The following ANKRD36B variants were observed in gnomAD, a reference collection of about 807,000 sequenced individuals.
ANKRD36B encodes ankyrin repeat domain 36B.
A neutral mutation model predicts 135.7 loss-of-function variants in ANKRD36B; 37 were observed. The observed-to-expected ratio is 0.27, with a 90% CI of 0.21 to 0.36. The LOEUF (loss-of-function observed/expected upper bound fraction) is 0.36, where lower values mean the gene tolerates loss of function less well. Among genes scored for constraint, ANKRD36B ranks in the 10% least tolerant of loss-of-function variants. The pLI, the probability that ANKRD36B is intolerant of heterozygous loss-of-function variation, is 1.00. For missense variants in ANKRD36B, 549 were observed against 1,037.1 expected, an observed-to-expected ratio of 0.53 and a Z score of 6.46; for synonymous variants, 179 against 348.1, an observed-to-expected ratio of 0.51 and a Z score of 5.41.
At position 97,551,716 on chromosome 2, in the gene ANKRD36B, G is replaced by A. The variant is rs555330358; in HGVS notation, c.1274-236C>T. Among the ~76,000 whole-genome samples the A allele has an allele frequency of 2.6e-5, 4 of 151,982 alleles. No individual in the cohort carries two copies. The East Asian group carries it at 5.9e-4, about 22-fold the overall frequency. On this transcript the variant is annotated intron_variant, in intron 16 of 43. Transcript: ENST00000359901. ...AACATGGTATGATTTCTCATACGTC[G>A]AAAACTAAAATCAAAGGTTGTCAAC... is the stretch of plus-strand genomic sequence containing the variant.
chr2:97,530,822 C>T (rs1285434893), intron 35 of ANKRD36B, among the ~76,000 whole-genome samples: 1 of 97,526 alleles, frequency 1.0e-5, no homozygotes, highest in Non-Finnish European at 2.7e-5. Context: ...TCATCACTGG[C>T]CATCAGAGAA....
At chr2:97,578,776 C>T in intron 5 of ANKRD36B, 130 bp downstream of exon 5, 1 of 1,226,684 alleles carries the variant, frequency 8.2e-7, no homozygotes, top group Non-Finnish European at 1.1e-6. Context: ...AACTTAAAAA[C>T]TTGAAAATTT....
intron 6 of ANKRD36B, among the ~76,000 whole-genome samples, chr2:97,570,011 AT>A (rs2081734044): frequency 1.3e-5 from 2 of 152,130 alleles, no homozygotes; most frequent in South Asian, 2.1e-4. Flanking sequence ...AATGAAACAA[AT>A]TTTTTATTTC....
rs1368144117 is a variant in ANKRD36B, at chr2:97,526,834, C to T, written c.2266-3367G>A. On this transcript the variant is annotated intron_variant, in intron 35 of 43. Transcript: ENST00000359901. ...GGAACATGAAATGAATGAAATGAAG[C>T]GAGAAGGGAAGTTGAGAGAAGAAAG... is the stretch of plus-strand genomic sequence containing the variant. Among the ~76,000 whole-genome samples the T allele has an allele frequency of 1.2e-4, 11 of 95,000 alleles. 4 individuals carry two copies. The highest frequency in any genetic ancestry group is 2.5e-4 in the Non-Finnish European group (9 of 35,810). 62.3% of individuals were successfully genotyped at this position (95,000 alleles called of 152,430 possible).
At chr2:97,553,271 A>G (rs762242943) in intron 15 of ANKRD36B, 31 bp from the exon 16 acceptor site, 1 of 1,597,072 alleles carries the variant, frequency 6.3e-7, no homozygotes, top group Non-Finnish European at 8.5e-7. Context: ...AATAATAAAT[A>G]AATAAATAAA....
At position 97,527,913 on chromosome 2, in the gene ANKRD36B, G is replaced by C. The variant is rs1374019014; in HGVS notation, c.2265+4398C>G. Among the ~76,000 whole-genome samples the C allele has an allele frequency of 7.3e-5, 7 of 95,842 alleles. 3 individuals are homozygous for C. Among genetic ancestry groups the C allele is most frequent in the Non-Finnish European group, 1.4e-4 (5 of 36,116 alleles). The allele number at this position is 95,842 out of a possible 152,430, so 62.9% of individuals were successfully genotyped here. A position where few individuals can be genotyped will look rare whatever the true frequency, so the allele number is the denominator to read the frequency against. ...CCCAGATTCATAAGGCAAGTCCTGA[G>C]TGACCTACAAAGAGACTTAGACTCC... On this transcript the variant is annotated intron_variant, in intron 35 of 43. Transcript: ENST00000359901.
intron 6 of ANKRD36B, among the ~76,000 whole-genome samples, chr2:97,565,889 G>A (rs4069505): frequency 0.73 from 106,725 of 145,866 alleles, 40,496 homozygotes; most frequent in African/African-American, 0.88. Flanking sequence ...GTGTGTGTGT[G>A]TATATATATA....
In ANKRD36B at chr2:97,548,393, C is replaced by A. The variant is rs554018553; in HGVS notation, c.1478-662G>T. Among the ~76,000 whole-genome samples, 21 of 152,028 alleles carry A rather than the reference C, an allele frequency of 1.4e-4. No homozygotes were observed. In the East Asian group the frequency reaches 3.1e-3, roughly 23 times the overall value. Reference sequence around the variant, plus strand: ...AAAGTTTCTTCATCCAGTCGTGGCACCAAAGGATAATATATTAGCCTCAAT... The same window carrying A: ...AAAGTTTCTTCATCCAGTCGTGGCAACAAAGGATAATATATTAGCCTCAAT... On this transcript the variant is annotated intron_variant, in intron 20 of 43. Coordinates refer to ENST00000359901, the MANE Select transcript of ANKRD36B (RefSeq NM_001393939.1).
Position 97,580,372 on chromosome 2 carries a change from C to T in ANKRD36B, c.557+90G>A, listed in dbSNP as rs56040471. 7.0e-6 allele frequency: 8 copies of T among 1,150,040 alleles called. No individual in the cohort carries two copies. The East Asian group carries it at 8.4e-5, about 12-fold the overall frequency. 71.2% of individuals were successfully genotyped at this position (1,150,040 alleles called of 1,614,324 possible). A position where few individuals can be genotyped will look rare whatever the true frequency, so the allele number is the denominator to read the frequency against. ...CAGTAATTAAAAGTTAGTCTTCTTA[C>T]TAATGTAATATTTGTGACTTGAGTG... On this transcript the variant is annotated intron_variant, in intron 4 of 43. Coordinates refer to ENST00000359901, the MANE Select transcript of ANKRD36B (RefSeq NM_001393939.1).
At chr2:97,545,518 T>C (rs1381349377) in intron 24 of ANKRD36B, 148 bp downstream of exon 24, 1 of 465,238 alleles carries the variant, frequency 2.1e-6, no homozygotes, top group African/African-American at 2.2e-5. Flanking sequence ...AGCATCAGGG[T>C]CACCCGAGAA....
intron 6 of ANKRD36B, among the ~76,000 whole-genome samples, chr2:97,564,808 T>C (rs2081312028): frequency 6.6e-6 from 1 of 152,216 alleles, no homozygotes; most frequent in Non-Finnish European, 1.5e-5. Flanking sequence ...GGTAGCATGA[T>C]GCCTCCAGCT....
intron 12 of ANKRD36B, among the ~76,000 whole-genome samples, chr2:97,556,355 A>T (rs1207889580): frequency 2.0e-5 from 3 of 151,866 alleles, no homozygotes. Flanking sequence ...TCAGAAATCA[A>T]ATCTTCTGGT....
At position 97,555,117 on chromosome 2, in the gene ANKRD36B, T is replaced by A. The variant is rs762718709; in HGVS notation, c.1114A>T (p.Thr372Ser). The A allele has an allele frequency of 2.5e-6, 4 of 1,611,998 alleles. No homozygotes were observed. Among genetic ancestry groups the A allele is most frequent in the Non-Finnish European group, 1.7e-6 (2 of 1,178,716 alleles). The change falls in exon 14 of 44, where the codon ACA (threonine) becomes TCA (serine). Residue 372 changes from threonine to serine, a missense_variant. By Grantham distance (58) the Thr-to-Ser change is moderately conservative. Coordinates refer to ENST00000359901, the MANE Select transcript of ANKRD36B (RefSeq NM_001393939.1). ...GTAGCTGTATTCAAAGCAGAATCTG[T>A]CTTGTCACTTGCAGTCTGAAAGTAA... ...QPASKTASDK[T>S]DSALNTATEI...
intron 6 of ANKRD36B, among the ~76,000 whole-genome samples, chr2:97,564,026 T>A (rs2081250667): frequency 6.6e-6 from 1 of 151,976 alleles, no homozygotes; most frequent in South Asian, 2.1e-4. Flanking sequence ...AAGACCAAGT[T>A]GCAGTCATTT....
rs1487423142 is a variant in ANKRD36B, at chr2:97,533,338, A to G, written c.2192-954T>C. ...GAAATAGAAGAGTGTATCTATTTCA[A>G]TGTAAACATGTTGACTGATAATGAG... On this transcript the variant is annotated intron_variant, in intron 34 of 43. Transcript: ENST00000359901. Among the ~76,000 whole-genome samples the G allele has an allele frequency of 7.2e-5, 7 of 97,448 alleles. 2 individuals carry two copies. The highest frequency in any genetic ancestry group is 2.2e-4 in the African/African-American group (7 of 32,480). The allele number at this position is 97,448 out of a possible 152,430, so 63.9% of individuals were successfully genotyped here. A position where few individuals can be genotyped will look rare whatever the true frequency, so the allele number is the denominator to read the frequency against.
chr2:97,572,143 G>A (rs1479914986), intron 6 of ANKRD36B, among the ~76,000 whole-genome samples: 2 of 152,058 alleles, frequency 1.3e-5, no homozygotes, highest in East Asian at 3.8e-4. Context: ...GCTTGGTATG[G>A]TGGCATATAC....
chr2:97,554,949 G>C lies in ANKRD36B; in HGVS notation c.1171+111C>G, dbSNP rs898922020. ...ATTACAGATGAAGAATCTCTGGCCT[G>C]CTGAATCAGAATGTGCAGCTTTGAT... is the stretch of plus-strand genomic sequence containing the variant. On this transcript the variant is annotated intron_variant, in intron 14 of 43. Coordinates refer to ENST00000359901, the MANE Select transcript of ANKRD36B (RefSeq NM_001393939.1). 2.2e-6 allele frequency: 3 copies of C among 1,361,348 alleles called. No individual in the cohort carries two copies. In the East Asian group the frequency reaches 7.5e-5, roughly 34 times the overall value. The allele number at this position is 1,361,348 out of a possible 1,614,324, so 84.3% of individuals were successfully genotyped here. A position where few individuals can be genotyped will look rare whatever the true frequency, so the allele number is the denominator to read the frequency against.
intron 24 of ANKRD36B, among the ~76,000 whole-genome samples, chr2:97,545,234 A>G (rs1418007981): frequency 1.0e-5 from 1 of 96,024 alleles, no homozygotes; most frequent in African/African-American, 3.1e-5. Context: ...TAATTGCTAC[A>G]TCACTGGTCT....
rs1255364572 is a variant in ANKRD36B at position 97,540,033 on chromosome 2, C to T, written c.1987+1G>A. ...ACATTAAATGTGTTTTGTAAAATTA[C>T]CTGTCCCAGATTTTTCTCCATCCTT... On this transcript the variant is annotated splice_donor_variant, in intron 30 of 43. Coordinates refer to ENST00000359901, the MANE Select transcript of ANKRD36B (RefSeq NM_001393939.1). LOFTEE classifies it high-confidence loss of function. The T allele has an allele frequency of 2.1e-5, 19 of 922,016 alleles. 7 individuals are homozygous for T. Among genetic ancestry groups the T allele is most frequent in the Non-Finnish European group, 3.1e-5 (19 of 617,182 alleles). The allele number at this position is 922,016 out of a possible 1,614,324, so 57.1% of individuals were successfully genotyped here.
Sources: gnomAD v4.1 joint callset for allele counts (sites outside exome capture counted in the v4.1 genomes callset) on GRCh38, gnomAD v4.1.1 for gene constraint, MANE v1.5 for transcripts, NCBI Gene and HGNC (gene_info 2026-07-23, HGNC 2026-07-21) for gene names.